Variants in CXXC1 observed in about 807,000 individuals in gnomAD.
CXXC1 encodes CXXC-type zinc finger protein 1.
CXXC1 carries 21 observed loss-of-function variants against 83.6 expected under a neutral mutation model. That is an observed-to-expected ratio of 0.25 (90% CI 0.18 to 0.36). The LOEUF (loss-of-function observed/expected upper bound fraction) is 0.36. CXXC1 is among the 10% of genes least tolerant of loss of function. CXXC1 has a pLI of 1.00. For missense variants in CXXC1, 688 were observed against 919.5 expected (o/e 0.75, Z 3.26); for synonymous variants, 371 against 337.5 (o/e 1.10, Z -1.09).
At chr18:50,287,510 T>C (rs2040734976) in intron 1 of CXXC1, 77 bp downstream of exon 1, 1 of 1,560,010 alleles carries the variant, frequency 6.4e-7, no homozygotes, top group East Asian at 2.2e-5. Context: ...CACAGACCCC[T>C]GAGTCGGCCG....
Position 50,284,529 on chromosome 18 carries a change from G to A in CXXC1, c.1054C>T (p.Gln352Ter). Reference sequence around the variant, plus strand: ...TGTTTCCATTTATCCTTGTGCTTCTGCTTCTGCCGATGCCGCTTGTATCGC... The same window carrying A: ...TGTTTCCATTTATCCTTGTGCTTCTACTTCTGCCGATGCCGCTTGTATCGC... Reference protein sequence around the residue: ...EERYKRHRQKQKHKDKWKHPE... With the variant: ...EERYKRHRQK Residue 352 changes from glutamine to a stop codon, truncating the protein, a stop_gained, in exon 9 of 15, where the codon CAG becomes TAG. Transcript: ENST00000285106. LOFTEE classifies it high-confidence loss of function. 1 of 1,596,368 alleles carries A rather than the reference G, an allele frequency of 6.3e-7. No homozygotes were observed. The highest frequency in any genetic ancestry group is 8.5e-7 in the Non-Finnish European group (1 of 1,170,490).
intron 12 of CXXC1, 74 bp downstream of exon 12, chr18:50,283,441 C>T (rs183088108): frequency 1.2e-6 from 2 of 1,606,148 alleles, no homozygotes; most frequent in Non-Finnish European, 1.7e-6. Flanking sequence ...GTATCCTGCC[C>T]CAGCTCCACA....
At chr18:50,286,425 GC>G (rs1433219046) in intron 3 of CXXC1, 113 bp downstream of exon 3, 7 of 1,076,080 alleles carry the variant, frequency 6.5e-6, no homozygotes, top group Non-Finnish European at 9.7e-6. Context: ...TCACAATGGA[GC>G]CCCATTCCAG....
chr18:50,284,351 C>T (rs1434944780), intron 9 of CXXC1, 27 bp downstream of exon 9: 4 of 1,525,172 alleles, frequency 2.6e-6, no homozygotes, highest in Middle Eastern at 3.5e-4. Flanking sequence ...CTTCCTGACT[C>T]CCTTGAACCT....
Position 50,283,913 on chromosome 18 carries a change from G to T in CXXC1, c.1394C>A (p.Ala465Asp). 6.2e-7 allele frequency: 1 copy of T among 1,614,072 alleles called. No individual in the cohort carries two copies. ...EAIILRAKQQ[A>D]VREDEESNEG... ...GCTCACCTCCTCATCCTCGCGCACA[G>T]CCTGCTGCTTGGCACGTAGAATGAT... The change falls in exon 10 of 15, where the codon GCT (alanine) becomes GAT (aspartate). Residue 465 changes from alanine to aspartate, a missense_variant. By Grantham distance (126) the Ala-to-Asp change is moderately radical. Coordinates refer to ENST00000285106, the MANE Select transcript of CXXC1 (RefSeq NM_014593.4).
At chr18:50,286,426 C>A (rs1394894364) in intron 3 of CXXC1, 113 bp downstream of exon 3, 1 of 1,081,098 alleles carries the variant, frequency 9.2e-7, no homozygotes, top group South Asian at 1.4e-5. Context: ...CACAATGGAG[C>A]CCCATTCCAG....
intron 3 of CXXC1, 90 bp downstream of exon 3, chr18:50,286,449 G>A (rs564136881): frequency 2.7e-5 from 31 of 1,166,866 alleles, no homozygotes; most frequent in South Asian, 5.3e-5. Context: ...CACCACAGAC[G>A]TGTATCACTA....
Position 50,286,175 on chromosome 18 carries a change from G to T in CXXC1, c.306C>A (p.Pro102=), listed in dbSNP as rs1485064858. 6 of 1,613,792 alleles carry T rather than the reference G, an allele frequency of 3.7e-6. No homozygotes were observed. The highest frequency in any genetic ancestry group is 5.1e-6 in the Non-Finnish European group (6 of 1,179,962). The change falls in exon 4 of 15, where the codon CCC becomes CCA. Residue 102 remains proline, a synonymous_variant. Transcript: ENST00000285106. The part of the protein sequence containing the change: ...RDGNERDSSE[P]RDEGGGRKRP... ...TCTTGCGCCCTCCACCCTCATCCCGGGGCTCACTGCTGTCCCGCTCATTGC... is the reference window on the plus strand; with the variant it reads ...TCTTGCGCCCTCCACCCTCATCCCGTGGCTCACTGCTGTCCCGCTCATTGC...
In CXXC1 at chr18:50,286,708, G is replaced by C. The variant is rs2276363; in HGVS notation, c.122+32C>G. 4.7e-3 allele frequency: 7,629 copies of C among 1,608,574 alleles called. 207 individuals are homozygous for C. The East Asian group carries it at 0.074, about 16-fold the overall frequency. On this transcript the variant is annotated intron_variant, in intron 2 of 14. Transcript: ENST00000285106. ...CCATCGGCCTCACCCCACCCTGCCA[G>C]TGTCAGCCCCGCCCATCTCTCCCGC...
Position 50,285,050 on chromosome 18 carries a change from A to G in CXXC1, c.864T>C (p.Pro288=). The stretch of plus-strand genomic sequence containing the variant: ...CTGCACAGAAGTCCTGATACAGGTC[A>G]GGATCCAGAGGTAGGTCCTCATCTG... ...PLSDEDLPLD[P]DLYQDFCAGA... is the part of the protein sequence containing the mutation. Residue 288 remains proline, a synonymous_variant, in exon 7 of 15, where the codon CCT becomes CCC. Coordinates refer to ENST00000285106, the MANE Select transcript of CXXC1 (RefSeq NM_014593.4). This position sits in a 1 kb window ranked among gnomAD's most constrained non-coding sequence, Gnocchi z 4.4. The G allele has an allele frequency of 1.9e-6, 3 of 1,614,258 alleles. No homozygotes were observed. Among genetic ancestry groups the G allele is most frequent in the Non-Finnish European group, 2.5e-6 (3 of 1,180,044 alleles).
At position 50,287,659 on chromosome 18, in the gene CXXC1, G is replaced by C; in HGVS notation, c.-70C>G. On this transcript the variant is annotated 5_prime_UTR_variant, in exon 1 of 15. Transcript: ENST00000285106. ...CGCGAACCTGCACAGACCACTCGGC[G>C]GCGTCCCAGGCGGTTGCAAAGGCGC... The C allele has an allele frequency of 6.3e-7, 1 of 1,592,418 alleles. No homozygotes were observed. The highest frequency in any genetic ancestry group is 8.5e-7 in the Non-Finnish European group (1 of 1,172,716).
rs1374064379 is a variant in CXXC1, at chr18:50,285,138, C to A, written c.776G>T (p.Gly259Val). The A allele has an allele frequency of 3.1e-6, 5 of 1,614,136 alleles. No homozygotes were observed. The highest frequency in any genetic ancestry group is 4.2e-6 in the Non-Finnish European group (5 of 1,180,056). ...CTTGACTGTTGATGACGCCACTGCC[C>A]CCTCATCTTCACGGATGCGCCCTAA... ...QKLGRIREDE[G>V]AVASSTVKEP... The change falls in exon 7 of 15, where the codon GGG (glycine) becomes GTG (valine). Residue 259 changes from glycine to valine, a missense_variant. Transcript: ENST00000285106. This position sits in a 1 kb window ranked among gnomAD's most constrained non-coding sequence, Gnocchi z 4.4.
In CXXC1 at chr18:50,284,848, A is replaced by G. The variant is rs1440670583; in HGVS notation, c.913-9T>C. ...GTGTCGCTCATCCAGGGCTGCAAGC[A>G]GGGCATGCACTGACCCACCTGCCCC... On this transcript the variant is annotated splice_polypyrimidine_tract_variant and intron_variant, in intron 7 of 14. Transcript: ENST00000285106. The G allele has an allele frequency of 6.2e-7, 1 of 1,614,060 alleles. No homozygotes were observed. Among genetic ancestry groups the G allele is most frequent in the Non-Finnish European group, 8.5e-7 (1 of 1,179,998 alleles).
Position 50,285,086 on chromosome 18 carries a change from A to G in CXXC1, c.828T>C (p.Pro276=), listed in dbSNP as rs758043082. The G allele has an allele frequency of 1.2e-6, 2 of 1,614,132 alleles. No individual in the cohort carries two copies. The highest frequency in any genetic ancestry group is 2.7e-5 in the African/African-American group (2 of 74,950). ...VKEPPEATAT[P]EPLSDEDLPL... ...GTAGGTCCTCATCTGAGAGTGGCTCAGGTGTGGCTGTAGCCTCAGGAGGCT... is the reference window on the plus strand; with the variant it reads ...GTAGGTCCTCATCTGAGAGTGGCTCGGGTGTGGCTGTAGCCTCAGGAGGCT... Residue 276 remains proline, a synonymous_variant, in exon 7 of 15, where the codon CCT becomes CCC. Transcript: ENST00000285106. This position sits in a 1 kb window ranked among gnomAD's most constrained non-coding sequence, Gnocchi z 4.4.
Position 50,282,691 on chromosome 18 carries a change from C to T in CXXC1, c.1873G>A (p.Ala625Thr). The T allele has an allele frequency of 6.2e-7, 1 of 1,613,752 alleles. No homozygotes were observed. The highest frequency in any genetic ancestry group is 2.2e-5 in the East Asian group (1 of 44,886). Residue 625 changes from alanine (A) to threonine (T), a missense_variant, in exon 15 of 15, where the codon GCC (alanine) becomes ACC (threonine). By Grantham distance (58) the Ala-to-Thr change is moderately conservative. Around this residue, in one of 9 missense-constraint regions of CXXC1, gnomAD observed 114 missense variants for 173.3 expected, o/e 0.66. Transcript: ENST00000285106. This position sits in a 1 kb window ranked among gnomAD's most constrained non-coding sequence, Gnocchi z 5.8. ...LFEQERNVRTAMTNRAGLLAL... is the reference protein window; with the variant it reads ...LFEQERNVRTTMTNRAGLLAL... ...AGCAATCCCGCGCGGTTTGTCATGG[C>T]TGTGCGCACATTGCGCTCCTGCTCA...
In CXXC1 at chr18:50,286,802, C is replaced by T. The variant is rs780543093; in HGVS notation, c.60G>A (p.Glu20=). ...AGTAGATGGGCGCATTCTCCCCATT[C>T]TCGGACTTGCTGTCCTCCCCGGCAT... is the stretch of plus-strand genomic sequence containing the variant. ...PPDAGEDSKS[E]NGENAPIYCI... Residue 20 remains glutamate, a synonymous_variant, in exon 2 of 15, where the codon GAG becomes GAA. Coordinates refer to ENST00000285106, the MANE Select transcript of CXXC1 (RefSeq NM_014593.4). 2 of 1,614,044 alleles carry T rather than the reference C, an allele frequency of 1.2e-6. No individual in the cohort carries two copies. Among genetic ancestry groups the T allele is most frequent in the African/African-American group, 2.7e-5 (2 of 74,918 alleles).
chr18:50,283,602 T>A, intron 11 of CXXC1, 38 bp from the exon 12 acceptor site: 5 of 1,612,532 alleles, frequency 3.1e-6, no homozygotes, highest in Non-Finnish European at 3.4e-6. Flanking sequence ...ACTGTGGATG[T>A]GCGCTGCATG....
chr18:50,285,633 T>C lies in CXXC1; in HGVS notation c.639+116A>G. 1.5e-6 allele frequency: 2 copies of C among 1,323,092 alleles called. No individual in the cohort carries two copies. The highest frequency in any genetic ancestry group is 2.1e-6 in the Non-Finnish European group (2 of 953,014). 82.0% of individuals were successfully genotyped at this position (1,323,092 alleles called of 1,614,324 possible). ...GACATGACAGGCCCCTTCCCACCTG[T>C]CAGGATACAGTCAGGCCCAATCCCA... On this transcript the variant is annotated intron_variant, in intron 5 of 14. Transcript: ENST00000285106. The surrounding 1 kb of genome is among the most constrained non-coding windows in gnomAD (Gnocchi z 4.4).
intron 7 of CXXC1, 63 bp downstream of exon 7, chr18:50,284,939 T>C (rs1255858698): frequency 9.3e-6 from 15 of 1,612,472 alleles, no homozygotes; most frequent in Non-Finnish European, 1.1e-5. Context: ...GTCTCCTCAT[T>C]AGGGATACTC....
Sources: allele counts gnomAD v4.1 joint callset, GRCh38; gene constraint gnomAD v4.1.1; regional missense constraint gnomAD v4.1.1; non-coding constraint Gnocchi (gnomAD v3.1); transcripts MANE v1.5; gene names NCBI Gene and HGNC (gene_info 2026-07-23, HGNC 2026-07-21).